Variants in DLGAP1 observed in about 807,000 individuals in gnomAD.
DLGAP1 encodes disks large-associated protein 1.
DLGAP1 carries 11 observed loss-of-function variants against 90.8 expected under a neutral mutation model. The observed-to-expected ratio is 0.12, with a 90% CI of 0.08 to 0.20. The LOEUF is 0.20. Among genes scored for constraint, DLGAP1 ranks in the 10% least tolerant of loss-of-function variants. The pLI is 1.00. For missense variants in DLGAP1, 1,050 were observed against 1,333.8 expected, an observed-to-expected ratio of 0.79 and a Z score of 3.31; for synonymous variants, 558 against 540.7, an observed-to-expected ratio of 1.03 and a Z score of -0.44.
chr18:3,567,938 G>A (rs1340154233), intron 8 of DLGAP1, among the ~76,000 whole-genome samples: 4 of 152,060 alleles, frequency 2.6e-5, no homozygotes, highest in Admixed American at 6.6e-5. Flanking sequence ...TCCCTCTGTC[G>A]CCCGGGCTGG....
At chr18:3,831,098 AG>A (rs2068011135) in intron 4 of DLGAP1, among the ~76,000 whole-genome samples, 1 of 152,158 alleles carries the variant, frequency 6.6e-6, no homozygotes, top group Admixed American at 6.5e-5. Flanking sequence ...ATGTGTGTAG[AG>A]GGGGTATGAA....
chr18:4,013,098 T>G (rs2074456866), intron 2 of DLGAP1, among the ~76,000 whole-genome samples: 1 of 152,224 alleles, frequency 6.6e-6, no homozygotes, highest in Non-Finnish European at 1.5e-5. Flanking sequence ...GAAAGTTTTC[T>G]TATTTAAAAA....
At chr18:3,966,605 A>C (rs1304300688) in intron 3 of DLGAP1, among the ~76,000 whole-genome samples, 1 of 152,230 alleles carries the variant, frequency 6.6e-6, no homozygotes, top group East Asian at 1.9e-4. Flanking sequence ...AAGATAGCAC[A>C]AAAAAGAAAT....
At chr18:4,092,094 C>T (rs2075780833) in intron 2 of DLGAP1, among the ~76,000 whole-genome samples, 1 of 152,042 alleles carries the variant, frequency 6.6e-6, no homozygotes, top group African/African-American at 2.4e-5. Context: ...CTATGGTTAA[C>T]CTCAGTATAT....
At chr18:3,551,726 T>TCCTC (rs1320189949) in intron 9 of DLGAP1, among the ~76,000 whole-genome samples, 3 of 5,390 alleles carry the variant, frequency 5.6e-4, no homozygotes, top group Non-Finnish European at 9.7e-4. Context: ...CTCCCTCCCT[T>TCCTC]CCTTCCTTCC....
chr18:4,432,305 T>C (rs2083300122), intron 1 of DLGAP1, among the ~76,000 whole-genome samples: 1 of 152,146 alleles, frequency 6.6e-6, no homozygotes, highest in African/African-American at 2.4e-5. Context: ...AGTTAAGTAG[T>C]GTAACTGAAA....
Position 3,773,722 on chromosome 18 carries a change from T to C in DLGAP1, c.1173-31210A>G, listed in dbSNP as rs184742810. Among the ~76,000 whole-genome samples, 10 of 152,362 alleles carry C rather than the reference T, an allele frequency of 6.6e-5. No individual in the cohort carries two copies. The East Asian group carries it at 1.9e-3, about 29-fold the overall frequency. ...ATAGTAAGTGCTATTTGTTTTTAAC[T>C]GATTTTCCATGCCACATATTTGTAA... On this transcript the variant is annotated intron_variant, in intron 5 of 12. Transcript: ENST00000315677.
At chr18:3,977,144 G>A (rs1034934422) in intron 3 of DLGAP1, among the ~76,000 whole-genome samples, 14 of 152,008 alleles carry the variant, frequency 9.2e-5, no homozygotes, top group African/African-American at 2.7e-4. Flanking sequence ...GTGCCATCTC[G>A]GCTCACTGCA....
chr18:4,434,866 G>A (rs1290475158), intron 1 of DLGAP1, among the ~76,000 whole-genome samples: 2 of 152,294 alleles, frequency 1.3e-5, no homozygotes, highest in East Asian at 3.9e-4. Flanking sequence ...GGAAGACAGA[G>A]AGAGAAACAT....
chr18:3,794,079 C>T lies in DLGAP1; in HGVS notation c.1172+19980G>A, dbSNP rs967850580. On this transcript the variant is annotated intron_variant, in intron 5 of 12. Transcript: ENST00000315677. Reference sequence around the variant, plus strand: ...CTGAACAAATGAACCCATGAATGAACGAGGACACCACATATACTTAAATGC... The same window carrying T: ...CTGAACAAATGAACCCATGAATGAATGAGGACACCACATATACTTAAATGC... Among the ~76,000 whole-genome samples the T allele has an allele frequency of 9.9e-5, 15 of 152,236 alleles. No individual in the cohort carries two copies. The South Asian group carries it at 1.7e-3, about 17-fold the overall frequency.
chr18:3,585,167 G>A (rs1335227104), intron 7 of DLGAP1, among the ~76,000 whole-genome samples: 3 of 152,226 alleles, frequency 2.0e-5, no homozygotes, highest in African/African-American at 7.2e-5. Flanking sequence ...CTTGCAAGGT[G>A]CAGAGTCAGG....
At chr18:4,396,801 G>A (rs1172140891) in intron 1 of DLGAP1, among the ~76,000 whole-genome samples, 1 of 152,226 alleles carries the variant, frequency 6.6e-6, no homozygotes, top group Non-Finnish European at 1.5e-5. Context: ...GGAGGGTAGT[G>A]TCTGTGGTTC....
At chr18:4,095,896 TC>T (rs1423340791) in intron 2 of DLGAP1, among the ~76,000 whole-genome samples, 2 of 151,974 alleles carry the variant, frequency 1.3e-5, no homozygotes, top group East Asian at 3.9e-4. Flanking sequence ...GTAGGCGGAA[TC>T]TTCGAAGTGA....
intron 1 of DLGAP1, among the ~76,000 whole-genome samples, chr18:4,372,686 G>A (rs1465032126): frequency 6.6e-6 from 1 of 152,186 alleles, no homozygotes; most frequent in African/African-American, 2.4e-5. Context: ...CAGCACTTTG[G>A]GAGGGTGAGG....
chr18:4,305,751 T>C (rs548352290), intron 1 of DLGAP1, among the ~76,000 whole-genome samples: 7 of 152,216 alleles, frequency 4.6e-5, no homozygotes, highest in Admixed American at 3.9e-4. Flanking sequence ...TTGAGGTACC[T>C]GTCTCTGGTC....
At chr18:3,948,107 C>T (rs947640823) in intron 3 of DLGAP1, among the ~76,000 whole-genome samples, 2 of 152,158 alleles carry the variant, frequency 1.3e-5, no homozygotes, top group Non-Finnish European at 2.9e-5. Flanking sequence ...TCGTTAGGAA[C>T]ACAGAAGAGA....
intron 1 of DLGAP1, among the ~76,000 whole-genome samples, chr18:4,216,564 C>A (rs1371246155): frequency 3.3e-5 from 5 of 152,026 alleles, no homozygotes; most frequent in Non-Finnish European, 7.4e-5. Context: ...TAAATATATC[C>A]TAGCTTAATG....
chr18:4,174,097 T>A (rs1193107117), intron 1 of DLGAP1, among the ~76,000 whole-genome samples: 1 of 152,164 alleles, frequency 6.6e-6, no homozygotes, highest in Non-Finnish European at 1.5e-5. Flanking sequence ...TTTTCTGGAA[T>A]GCTAATTGGA....
intron 10 of DLGAP1, among the ~76,000 whole-genome samples, chr18:3,525,484 C>T (rs2051555215): frequency 6.6e-6 from 1 of 152,196 alleles, no homozygotes. Flanking sequence ...ACTGCAACCT[C>T]CACCTCCTGG....
Sources: gnomAD v4.1 joint callset for allele counts (sites outside exome capture counted in the v4.1 genomes callset) on GRCh38, gnomAD v4.1.1 for gene constraint, MANE v1.5 for transcripts, NCBI Gene and HGNC (gene_info 2026-07-23, HGNC 2026-07-21) for gene names.